Variants in RAMP1 observed in about 807,000 individuals in gnomAD.
RAMP1 encodes receptor activity-modifying protein 1.
In RAMP1, 7 loss-of-function variants were observed where a neutral mutation model predicts 8.2. The observed-to-expected ratio is 0.85, with a 90% CI of 0.49 to 1.60. The LOEUF is 1.60. Among genes scored for constraint, RAMP1 ranks in the 40% most tolerant of loss-of-function variants. RAMP1 has a pLI of 0.00. For synonymous variants in RAMP1, 92 were observed against 84.7 expected (o/e 1.09, Z -0.47); for missense variants, 192 against 202.4 (o/e 0.95, Z 0.31).
In RAMP1 at chr2:237,877,571, CAAT is replaced by C. The variant is rs1187569579; in HGVS notation, c.191+213_191+215del. Reference sequence around the variant, plus strand: ...TGACGGTGGGAGGAGGCCACGTCCTCAATAATCTGGTCTGGGGATGGAGGGTTC... The same window carrying C: ...TGACGGTGGGAGGAGGCCACGTCCTCAATCTGGTCTGGGGATGGAGGGTTC... On this transcript the variant is annotated intron_variant, in intron 2 of 2. Coordinates refer to ENST00000254661, the MANE Select transcript of RAMP1 (RefSeq NM_005855.4). The surrounding 1 kb of genome is among the most constrained non-coding windows in gnomAD (Gnocchi z 4.4). Among the ~76,000 whole-genome samples, 1 of 152,104 alleles carries C rather than the reference CAAT, an allele frequency of 6.6e-6. No individual in the cohort carries two copies. The highest frequency in any genetic ancestry group is 2.4e-5 in the African/African-American group (1 of 41,416).
chr2:237,879,771 ACT>A (rs2062347727), intron 2 of RAMP1, among the ~76,000 whole-genome samples: 1 of 149,384 alleles, frequency 6.7e-6, no homozygotes, highest in African/African-American at 2.4e-5. Context: ...GGGTGGATCA[ACT>A]GAGGTCAGGA....
Position 237,911,688 on chromosome 2 carries a change from A to G in RAMP1, c.352A>G (p.Ile118Val). 1.2e-6 allele frequency: 2 copies of G among 1,614,028 alleles called. No individual in the cohort carries two copies. The highest frequency in any genetic ancestry group is 1.1e-5 in the South Asian group (1 of 91,078). The change falls in exon 3 of 3, where the codon ATC (isoleucine) becomes GTC (valine). Residue 118 changes from isoleucine (I) to valine (V), a missense_variant. Physicochemically the swap from Ile to Val is conservative, Grantham distance 29 (BLOSUM62 3). Transcript: ENST00000254661. ...GRAVRDPPGSILYPFIVVPIT... is the reference protein window; with the variant it reads ...GRAVRDPPGSVLYPFIVVPIT... ...GGCCGTGCGGGACCCGCCCGGCAGC[A>G]TCCTCTACCCCTTCATCGTGGTCCC... is the stretch of plus-strand genomic sequence containing the variant.
At chr2:237,869,152 ACGTGTTGCTG>A (rs2151004367) in intron 1 of RAMP1, among the ~76,000 whole-genome samples, 1 of 152,294 alleles carries the variant, frequency 6.6e-6, no homozygotes, top group Admixed American at 6.5e-5. Context: ...TTCCCTGGGC[ACGTGTTGCTG>A]CGTGTTCACG....
At chr2:237,879,488 A>G (rs189457151) in intron 2 of RAMP1, among the ~76,000 whole-genome samples, 1 of 136,964 alleles carries the variant, frequency 7.3e-6, no homozygotes, top group Non-Finnish European at 1.6e-5. Context: ...TCGTTTTTTT[A>G]TTATTATTAT....
chr2:237,867,206 G>C, intron 1 of RAMP1, among the ~76,000 whole-genome samples: 1 of 152,098 alleles, frequency 6.6e-6, no homozygotes. Flanking sequence ...CTGCAATCCA[G>C]CGTGGGCAAT....
chr2:237,893,657 G>A (rs6760549), intron 2 of RAMP1, among the ~76,000 whole-genome samples: 4,417 of 152,038 alleles, frequency 0.029, 92 homozygotes, highest in Non-Finnish European at 0.04. Flanking sequence ...AAGTAGTTTC[G>A]GCCGGGTATG....
At chr2:237,871,705 A>G (rs904207342) in intron 1 of RAMP1, among the ~76,000 whole-genome samples, 1 of 152,220 alleles carries the variant, frequency 6.6e-6, no homozygotes, top group Non-Finnish European at 1.5e-5. Context: ...ACGCTCCTCC[A>G]GGATTTGCTT....
intron 2 of RAMP1, among the ~76,000 whole-genome samples, chr2:237,893,879 G>A (rs564325937): frequency 6.6e-6 from 1 of 151,940 alleles, no homozygotes; most frequent in South Asian, 2.1e-4. Context: ...GGTGGAGGTT[G>A]CAGTGAGCCA....
At position 237,877,807 on chromosome 2, in the gene RAMP1, T is replaced by G. The variant is rs2062324888; in HGVS notation, c.191+445T>G. On this transcript the variant is annotated intron_variant, in intron 2 of 2. Transcript: ENST00000254661. The surrounding 1 kb of genome is among the most constrained non-coding windows in gnomAD (Gnocchi z 4.4). ...CACCCTGTCCAGGGCTCAGAGCTTC[T>G]GGTAATGGAGCAGGCTGTCACCACC... 6.6e-6 allele frequency among the ~76,000 whole-genome samples: 1 copy of G among 152,100 alleles called. No individual in the cohort carries two copies. Among genetic ancestry groups the G allele is most frequent in the African/African-American group, 2.4e-5 (1 of 41,424 alleles).
rs920687135 is a variant in RAMP1 at position 237,910,345 on chromosome 2, TCACA to T, written c.192-1172_192-1169del. Among the ~76,000 whole-genome samples the T allele has an allele frequency of 6.9e-5, 10 of 145,428 alleles. 1 individual carries two copies. Among genetic ancestry groups the T allele is most frequent in the South Asian group, 4.4e-4 (2 of 4,530 alleles). On this transcript the variant is annotated intron_variant, in intron 2 of 2. Transcript: ENST00000254661. ...GACACACATACAGAGAATAACACAGTCACACACACACACAATCACACACAGAGAA... is the reference window on the plus strand; with the variant it reads ...GACACACATACAGAGAATAACACAGTCACACACACAATCACACACAGAGAA...
chr2:237,886,616 G>C (rs75226929), intron 2 of RAMP1, among the ~76,000 whole-genome samples: 1 of 152,158 alleles, frequency 6.6e-6, no homozygotes, highest in South Asian at 2.1e-4. Flanking sequence ...GGACCACCTT[G>C]TCATCCTCAG....
intron 2 of RAMP1, among the ~76,000 whole-genome samples, chr2:237,885,105 C>T (rs1045047512): frequency 6.6e-6 from 1 of 152,204 alleles, no homozygotes; most frequent in Non-Finnish European, 1.5e-5. Context: ...CTCCTGCTGC[C>T]TTCTTTGTGT....
chr2:237,903,882 G>C (rs1462569675), intron 2 of RAMP1, among the ~76,000 whole-genome samples: 1 of 152,126 alleles, frequency 6.6e-6, no homozygotes, highest in Non-Finnish European at 1.5e-5. Flanking sequence ...TTTTGGTAGA[G>C]TTGGGGTTTC....
intron 2 of RAMP1, among the ~76,000 whole-genome samples, chr2:237,882,801 C>T (rs962527967): frequency 1.4e-4 from 20 of 138,450 alleles, no homozygotes; most frequent in East Asian, 2.2e-4. Flanking sequence ...GGGTGAGAGG[C>T]GCTAGGCTGC....
At chr2:237,876,320 G>A (rs753765502) in intron 1 of RAMP1, among the ~76,000 whole-genome samples, 1 of 152,222 alleles carries the variant, frequency 6.6e-6, no homozygotes, top group Non-Finnish European at 1.5e-5. Flanking sequence ...GAGGCCCAGG[G>A]GGCCAGGCGG....
At chr2:237,875,284 G>A (rs1385125675) in intron 1 of RAMP1, among the ~76,000 whole-genome samples, 1 of 152,152 alleles carries the variant, frequency 6.6e-6, no homozygotes, top group Non-Finnish European at 1.5e-5. Context: ...CCAGCCCCAA[G>A]GTGCACTCAC....
chr2:237,890,965 C>T (rs1224114108), intron 2 of RAMP1, among the ~76,000 whole-genome samples: 2 of 152,172 alleles, frequency 1.3e-5, no homozygotes, highest in African/African-American at 2.4e-5. Context: ...TTACCACTCA[C>T]TTCCCCCCTT....
intron 2 of RAMP1, among the ~76,000 whole-genome samples, chr2:237,889,080 A>G (rs1261329872): frequency 8.5e-5 from 13 of 152,160 alleles, no homozygotes; most frequent in Non-Finnish European, 1.3e-4. Flanking sequence ...TTCTTGAAGA[A>G]TATATATATT....
chr2:237,911,987 C>T lies in RAMP1; in HGVS notation c.*204C>T, dbSNP rs969900844. 1.2e-4 allele frequency: 105 copies of T among 840,980 alleles called. No individual in the cohort carries two copies. Among genetic ancestry groups the T allele is most frequent in the Admixed American group, 4.4e-4 (15 of 34,044 alleles). The allele number at this position is 840,980 out of a possible 1,614,324, so 52.1% of individuals were successfully genotyped here. On this transcript the variant is annotated 3_prime_UTR_variant, in exon 3 of 3. Transcript: ENST00000254661. Reference sequence around the variant, plus strand: ...CCCCTGGCTGGAGGCCACCGCCACCCTAGGAAGGGGGCAGGGACGTGACCT... The same window carrying T: ...CCCCTGGCTGGAGGCCACCGCCACCTTAGGAAGGGGGCAGGGACGTGACCT...
Sources: allele counts gnomAD v4.1 joint callset (sites outside exome capture counted in the v4.1 genomes callset), GRCh38; gene constraint gnomAD v4.1.1; non-coding constraint Gnocchi (gnomAD v3.1); transcripts MANE v1.5; gene names NCBI Gene and HGNC (gene_info 2026-07-23, HGNC 2026-07-21).